The following PLXDC2 variants were observed in gnomAD, a reference collection of about 807,000 sequenced individuals.
The protein encoded by PLXDC2 is plexin domain containing 2, also known as plexin domain-containing protein 2.
Under a neutral mutation model 68.9 loss-of-function variants are expected in PLXDC2, and 40 were observed. That is an observed-to-expected ratio of 0.58 (90% confidence interval 0.45 to 0.76). The LOEUF is 0.76. PLXDC2 is among the 30% of genes least tolerant of loss of function. The probability of loss-of-function intolerance (pLI) is 0.00; values close to 1 mark genes in which losing one functional copy is unlikely to be tolerated. For missense variants in PLXDC2, 644 were observed against 661.9 expected (o/e 0.97, Z 0.30); for synonymous variants, 243 against 234.2 (o/e 1.04, Z -0.34).
intron 4 of PLXDC2, among the ~76,000 whole-genome samples, chr10:20,142,991 A>C (rs1025562669): frequency 3.9e-5 from 6 of 152,016 alleles, no homozygotes; most frequent in African/African-American, 1.2e-4. Context: ...ATTACTTATA[A>C]TACTGTATTA....
At chr10:20,031,357 A>C (rs1589595959) in intron 2 of PLXDC2, among the ~76,000 whole-genome samples, 1 of 152,212 alleles carries the variant, frequency 6.6e-6, no homozygotes, top group East Asian at 1.9e-4. Context: ...GCGACAGAGC[A>C]AGATCCTATT....
At chr10:20,169,602 A>G (rs761976443) in intron 7 of PLXDC2, among the ~76,000 whole-genome samples, 13 of 152,118 alleles carry the variant, frequency 8.5e-5, no homozygotes, top group Non-Finnish European at 1.3e-4. Context: ...TTGAATTTCA[A>G]TCATCATCTG....
In PLXDC2 at chr10:20,012,303, C is replaced by CTCTTTT. The variant is rs1835129350; in HGVS notation, c.324+10318_324+10319insCTTTTT. 1.7e-3 allele frequency among the ~76,000 whole-genome samples: 112 copies of CTCTTTT among 65,576 alleles called. 3 individuals carry two copies. Among genetic ancestry groups the CTCTTTT allele is most frequent in the African/African-American group, 6.9e-3 (91 of 13,150 alleles). 43.0% of individuals were successfully genotyped at this position (65,576 alleles called of 152,430 possible). A position where few individuals can be genotyped will look rare whatever the true frequency, so the allele number is the denominator to read the frequency against. On this transcript the variant is annotated intron_variant, in intron 2 of 13. Transcript: ENST00000377252. The stretch of plus-strand genomic sequence containing the variant: ...GATAAGAGTCTCTCTCTCTCTCTCT[C>CTCTTTT]TTTTTTATTTTTTTTTTTTTTTTTT...
chr10:20,187,896 A>G (rs1323363003), intron 9 of PLXDC2, among the ~76,000 whole-genome samples: 1 of 151,888 alleles, frequency 6.6e-6, no homozygotes, highest in African/African-American at 2.4e-5. Context: ...CCACAAAACA[A>G]ATAACTAAAC....
chr10:20,110,564 C>T (rs1833546230), intron 4 of PLXDC2, among the ~76,000 whole-genome samples: 5 of 152,294 alleles, frequency 3.3e-5, no homozygotes, highest in African/African-American at 9.6e-5. Context: ...CCTGCCTTCT[C>T]TGGCTCCCTC....
intron 4 of PLXDC2, among the ~76,000 whole-genome samples, chr10:20,076,111 G>A (rs751257158): frequency 6.6e-6 from 1 of 152,186 alleles, no homozygotes; most frequent in Admixed American, 6.5e-5. Context: ...AAGTGACTCT[G>A]TGCAATTAAT....
intron 1 of PLXDC2, among the ~76,000 whole-genome samples, chr10:19,927,061 G>A (rs764488069): frequency 7.9e-5 from 12 of 152,076 alleles, no homozygotes; most frequent in South Asian, 2.1e-4. Context: ...CTATGGTGTC[G>A]TTGTTGCTGA....
At chr10:20,129,355 A>G (rs970367160) in intron 4 of PLXDC2, among the ~76,000 whole-genome samples, 1 of 152,010 alleles carries the variant, frequency 6.6e-6, no homozygotes, top group African/African-American at 2.4e-5. Context: ...AGTTCTTTAT[A>G]TATTTTGAAT....
At chr10:19,827,654 G>A (rs1342929553) in intron 1 of PLXDC2, among the ~76,000 whole-genome samples, 4 of 151,628 alleles carry the variant, frequency 2.6e-5, no homozygotes, top group African/African-American at 2.4e-5. Context: ...TCCACCTCCC[G>A]GGTTCAAGTG....
intron 1 of PLXDC2, among the ~76,000 whole-genome samples, chr10:19,886,427 A>G (rs1304955117): frequency 6.6e-6 from 1 of 152,192 alleles, no homozygotes; most frequent in Non-Finnish European, 1.5e-5. Context: ...CTTATCCACC[A>G]TGATCAAGTG....
intron 1 of PLXDC2, among the ~76,000 whole-genome samples, chr10:19,872,808 A>G (rs1837564361): frequency 6.6e-6 from 1 of 152,062 alleles, no homozygotes; most frequent in African/African-American, 2.4e-5. Context: ...GTTCCCTGGG[A>G]CAAGTCAACC....
intron 1 of PLXDC2, among the ~76,000 whole-genome samples, chr10:19,851,700 C>T (rs1382978724): frequency 6.6e-6 from 1 of 152,148 alleles, no homozygotes; most frequent in Non-Finnish European, 1.5e-5. Flanking sequence ...CATGCACCAC[C>T]ATACCCAGCT....
chr10:19,853,951 C>T (rs1837167819), intron 1 of PLXDC2, among the ~76,000 whole-genome samples: 1 of 152,168 alleles, frequency 6.6e-6, no homozygotes, highest in Non-Finnish European at 1.5e-5. Flanking sequence ...TCTGCAGAAA[C>T]CAGCATTTCC....
intron 13 of PLXDC2, among the ~76,000 whole-genome samples, chr10:20,266,048 T>C (rs902062406): frequency 2.0e-5 from 3 of 152,196 alleles, no homozygotes; most frequent in Admixed American, 2.0e-4. Flanking sequence ...AAACTTCTAC[T>C]TTATTATACC....
chr10:20,044,932 C>T (rs751223763), intron 2 of PLXDC2, among the ~76,000 whole-genome samples: 13 of 152,108 alleles, frequency 8.5e-5, no homozygotes, highest in Admixed American at 2.0e-4. Context: ...ATACATACCG[C>T]GGACACATTC....
intron 1 of PLXDC2, among the ~76,000 whole-genome samples, chr10:19,974,237 T>G (rs1405820851): frequency 1.3e-5 from 2 of 152,232 alleles, no homozygotes; most frequent in African/African-American, 4.8e-5. Context: ...CATCAGGAAG[T>G]AGGTAAGTGG....
chr10:19,844,347 AC>A (rs1367790088), intron 1 of PLXDC2, among the ~76,000 whole-genome samples: 1 of 152,160 alleles, frequency 6.6e-6, no homozygotes, highest in Non-Finnish European at 1.5e-5. Context: ...TGACTAAGTA[AC>A]CAAAAAGCTG....
At chr10:20,147,655 C>T (rs1040899420) in intron 5 of PLXDC2, 129 bp from the exon 6 acceptor site, 19 of 579,018 alleles carry the variant, frequency 3.3e-5, no homozygotes, top group East Asian at 2.7e-5. Flanking sequence ...TGATTAACCA[C>T]ATAAAATCGA....
At chr10:19,960,739 A>AT (rs78233859) in intron 1 of PLXDC2, among the ~76,000 whole-genome samples, 20,632 of 152,102 alleles carry the variant, frequency 0.14, 1,563 homozygotes, top group African/African-American at 0.2. Flanking sequence ...CTGATTACAT[A>AT]TTTTTTTCCT....
Sources: gnomAD v4.1 joint callset for allele counts (sites outside exome capture counted in the v4.1 genomes callset) on GRCh38, gnomAD v4.1.1 for gene constraint, MANE v1.5 for transcripts, NCBI Gene and HGNC (gene_info 2026-07-23, HGNC 2026-07-21) for gene names.